Variants in SHLD2 observed in about 807,000 individuals in gnomAD.
SHLD2 encodes the protein shieldin complex subunit 2, also known as RINN1-REV7-interacting novel NHEJ regulator 2.
Under a neutral mutation model 73.2 loss-of-function variants are expected in SHLD2, and 30 were observed. The observed-to-expected ratio is 0.41, with a 90% CI of 0.31 to 0.56. SHLD2 has a LOEUF of 0.56. SHLD2 is among the 20% of genes least tolerant of loss of function. The probability of loss-of-function intolerance (pLI) is 0.28; values close to 1 mark genes in which losing one functional copy is unlikely to be tolerated. For synonymous variants in SHLD2, 285 were observed against 370.1 expected, an observed-to-expected ratio of 0.77 and a Z score of 2.64; for missense variants, 745 against 1,055.9, an observed-to-expected ratio of 0.71 and a Z score of 4.08.
At chr10:87,106,159 A>G (rs1044445425) in intron 2 of SHLD2, among the ~76,000 whole-genome samples, 7 of 152,162 alleles carry the variant, frequency 4.6e-5, no homozygotes, top group African/African-American at 1.7e-4. Flanking sequence ...ACCTGCTACC[A>G]TGGCTGACTA....
intron 2 of SHLD2, among the ~76,000 whole-genome samples, chr10:87,111,975 C>T (rs968414895): frequency 2.6e-5 from 4 of 151,924 alleles, no homozygotes; most frequent in African/African-American, 7.2e-5. Context: ...CGGTAGCTCA[C>T]GCCTGTAATC....
intron 2 of SHLD2, among the ~76,000 whole-genome samples, chr10:87,141,078 G>A (rs1845158746): frequency 6.6e-6 from 1 of 151,634 alleles, no homozygotes; most frequent in East Asian, 2.0e-4. Flanking sequence ...CCAGAAATTG[G>A]AGACAAGCCT....
intron 2 of SHLD2, among the ~76,000 whole-genome samples, chr10:87,127,567 T>A (rs2134128212): frequency 9.3e-6 from 1 of 107,460 alleles, no homozygotes; most frequent in Admixed American, 1.1e-4. Flanking sequence ...CGCCTCCCAC[T>A]TTTTTGTTGG....
intron 4 of SHLD2, among the ~76,000 whole-genome samples, chr10:87,163,394 G>T (rs1846962267): frequency 1.3e-5 from 2 of 152,158 alleles, no homozygotes; most frequent in African/African-American, 2.4e-5. Context: ...GATAGCAGGG[G>T]TCAGGAGGAA....
At chr10:87,156,648 C>T (rs895712642) in intron 3 of SHLD2, among the ~76,000 whole-genome samples, 6 of 152,182 alleles carry the variant, frequency 3.9e-5, no homozygotes, top group Non-Finnish European at 5.9e-5. Context: ...CCCCTCCATG[C>T]ACCACTAGTG....
In SHLD2 at chr10:87,151,511, G is replaced by A; in HGVS notation, c.157G>A (p.Glu53Lys). The A allele has an allele frequency of 3.1e-6, 5 of 1,610,970 alleles. No individual in the cohort carries two copies. The highest frequency in any genetic ancestry group is 4.2e-6 in the Non-Finnish European group (5 of 1,179,594). ...TCAACATTCTTTATATCTGAAGGAT[G>A]AAAAACAGCACAAAAATCTTGAAAA... ...YSQHSLYLKDEKQHKNLENYK... is the reference protein window; with the variant it reads ...YSQHSLYLKDKKQHKNLENYK... Residue 53 changes from glutamate to lysine, a missense_variant, in exon 3 of 10, where the codon GAA becomes AAA. By Grantham distance (56) the Glu-to-Lys change is moderately conservative. Around this residue, in one of 5 missense-constraint regions of SHLD2, gnomAD observed 280 missense variants for 353.9 expected, o/e 0.79. Transcript: ENST00000298786.
intron 6 of SHLD2, 150 bp from the exon 7 acceptor site, chr10:87,175,739 C>T (rs1847913626): frequency 3.2e-6 from 2 of 616,458 alleles, no homozygotes; most frequent in Non-Finnish European, 5.8e-6. Context: ...TGTCTTAATG[C>T]ATCATTCATA....
At chr10:87,189,344 A>G (rs1199443163) in intron 9 of SHLD2, among the ~76,000 whole-genome samples, 3 of 152,226 alleles carry the variant, frequency 2.0e-5, no homozygotes, top group African/African-American at 7.2e-5. Flanking sequence ...TTTATCTCTT[A>G]GAGAAGCATC....
At chr10:87,158,016 T>C in intron 3 of SHLD2, 32 bp from the exon 4 acceptor site, 1 of 1,593,184 alleles carries the variant, frequency 6.3e-7, no homozygotes. Flanking sequence ...AAGGAATTTA[T>C]GGCATGATCA....
intron 2 of SHLD2, among the ~76,000 whole-genome samples, chr10:87,112,554 G>A (rs867522726): frequency 2.0e-5 from 3 of 151,730 alleles, no homozygotes; most frequent in Middle Eastern, 3.4e-3. Flanking sequence ...GGATCTGCTT[G>A]AGCCTGTGCC....
chr10:87,170,703 G>T (rs1847538702), intron 5 of SHLD2, 31 bp downstream of exon 5: 1 of 1,585,268 alleles, frequency 6.3e-7, no homozygotes, highest in East Asian at 2.2e-5. Context: ...CTTAATTTTA[G>T]ATTATGAAAA....
chr10:87,176,424 A>G (rs976879710), intron 7 of SHLD2, among the ~76,000 whole-genome samples: 8 of 152,326 alleles, frequency 5.3e-5, no homozygotes, highest in Non-Finnish European at 1.0e-4. Context: ...TGCTGGAATT[A>G]CAGGCATGAG....
chr10:87,112,189 G>T (rs1204801326), intron 2 of SHLD2, among the ~76,000 whole-genome samples: 42 of 151,180 alleles, frequency 2.8e-4, no homozygotes, highest in Non-Finnish European at 2.9e-5. Context: ...AGTGAATGGA[G>T]ATTGCACCAC....
chr10:87,141,138 G>A (rs1181305864), intron 2 of SHLD2, among the ~76,000 whole-genome samples: 1 of 151,378 alleles, frequency 6.6e-6, no homozygotes, highest in Non-Finnish European at 1.5e-5. Flanking sequence ...TTAAAAAGGG[G>A]GGCATGGTGG....
At chr10:87,140,995 A>G (rs1399341639) in intron 2 of SHLD2, among the ~76,000 whole-genome samples, 1 of 151,868 alleles carries the variant, frequency 6.6e-6, no homozygotes, top group African/African-American at 2.4e-5. Flanking sequence ...AAAACCAAAA[A>G]AAGGCGAGGC....
Position 87,145,065 on chromosome 10 carries a change from C to T in SHLD2, c.-5-6285C>T, listed in dbSNP as rs537961212. On this transcript the variant is annotated intron_variant, in intron 2 of 9. Transcript: ENST00000298786. ...ACGCCATTCTTCTGCCTCAGCCTCC[C>T]GAGTAGCTGGGACTACAGGGGCCCA... Among the ~76,000 whole-genome samples the T allele has an allele frequency of 6.1e-5, 9 of 147,574 alleles. No individual in the cohort carries two copies. In the South Asian group the frequency reaches 1.7e-3, roughly 28 times the overall value.
At chr10:87,162,443 T>C (rs1846883961) in intron 4 of SHLD2, among the ~76,000 whole-genome samples, 1 of 152,166 alleles carries the variant, frequency 6.6e-6, no homozygotes, top group African/African-American at 2.4e-5. Context: ...CTGGTAATCA[T>C]AGCATTTTGG....
chr10:87,151,911 A>C lies in SHLD2; in HGVS notation c.557A>C (p.Lys186Thr). 1.2e-6 allele frequency: 2 copies of C among 1,611,366 alleles called. No homozygotes were observed. Among genetic ancestry groups the C allele is most frequent in the South Asian group, 2.2e-5 (2 of 90,948 alleles). Residue 186 changes from lysine (K) to threonine (T), a missense_variant, in exon 3 of 10, where the codon AAA becomes ACA. Physicochemically the swap from Lys to Thr is moderately conservative, Grantham distance 78. Around this residue, in one of 5 missense-constraint regions of SHLD2, gnomAD observed 280 missense variants for 353.9 expected, o/e 0.79. Transcript: ENST00000298786. ...TTGGATTTGGTTTGTAGTACTGAAAAAATTAATATAGGGCCTGAAGTGGTA... is the reference window on the plus strand; with the variant it reads ...TTGGATTTGGTTTGTAGTACTGAAACAATTAATATAGGGCCTGAAGTGGTA... ...AVLDLVCSTE[K>T]INIGPEVVQR...
At chr10:87,112,233 G>A (rs1392407250) in intron 2 of SHLD2, among the ~76,000 whole-genome samples, 7 of 126,326 alleles carry the variant, frequency 5.5e-5, no homozygotes, top group Non-Finnish European at 6.6e-5. Flanking sequence ...GCGAGACTCC[G>A]TCTCAAAAAA....
Sources: gnomAD v4.1 joint callset for allele counts (sites outside exome capture counted in the v4.1 genomes callset) on GRCh38, gnomAD v4.1.1 for gene constraint, gnomAD v4.1.1 regional missense constraint, MANE v1.5 for transcripts, NCBI Gene and HGNC (gene_info 2026-07-23, HGNC 2026-07-21) for gene names.